SPAG16: variants seen among roughly 807,000 people sequenced by gnomAD.
The protein encoded by SPAG16 is sperm associated antigen 16.
SPAG16 carries 86 observed loss-of-function variants against 80.4 expected under a neutral mutation model. The ratio of observed to expected loss-of-function variants is 1.07; its 90% confidence interval spans 0.90 to 1.28. SPAG16 has a LOEUF of 1.28. SPAG16 is among the 50% of genes most tolerant of loss of function. SPAG16 has a pLI of 0.00. For missense variants in SPAG16, 870 were observed against 765.3 expected (o/e 1.14, Z -1.61); for synonymous variants, 294 against 265.9 (o/e 1.11, Z -1.03).
At chr2:214,102,597 G>A (rs2053125921) in intron 13 of SPAG16, among the ~76,000 whole-genome samples, 1 of 151,944 alleles carries the variant, frequency 6.6e-6, no homozygotes, top group South Asian at 2.1e-4. Context: ...GGCAGATTAT[G>A]GTGGATATTT....
intron 12 of SPAG16, among the ~76,000 whole-genome samples, chr2:213,960,904 G>A (rs2044382820): frequency 6.6e-6 from 1 of 152,152 alleles, no homozygotes; most frequent in Non-Finnish European, 1.5e-5. Flanking sequence ...TTCTGTGATT[G>A]GAAGCAGCAA....
chr2:213,603,225 G>T (rs2061130200), intron 10 of SPAG16, among the ~76,000 whole-genome samples: 1 of 152,220 alleles, frequency 6.6e-6, no homozygotes, highest in African/African-American at 2.4e-5. Context: ...GTAAGGGACA[G>T]AGTCTGTATT....
chr2:213,770,232 A>G (rs1478693565), intron 10 of SPAG16, among the ~76,000 whole-genome samples: 2 of 152,038 alleles, frequency 1.3e-5, no homozygotes, highest in African/African-American at 2.4e-5. Flanking sequence ...AGGTTTTGTG[A>G]TGATTTATTT....
chr2:213,694,801 T>A (rs901960076), intron 10 of SPAG16, among the ~76,000 whole-genome samples: 1 of 151,736 alleles, frequency 6.6e-6, no homozygotes, highest in Non-Finnish European at 1.5e-5. Context: ...CCTTCTACTC[T>A]CCCTTGCCTC....
intron 5 of SPAG16, among the ~76,000 whole-genome samples, chr2:213,322,130 A>G (rs192236026): frequency 7.9e-4 from 119 of 151,314 alleles, no homozygotes; most frequent in African/African-American, 2.8e-3. Context: ...ATAAAACACC[A>G]CTTAGAATTG....
Position 214,010,290 on chromosome 2 carries a change from T to A in SPAG16, c.1401-3661T>A, listed in dbSNP as rs868658842. Among the ~76,000 whole-genome samples, 8 of 144,082 alleles carry A rather than the reference T, an allele frequency of 5.6e-5. 1 individual carries two copies. Among genetic ancestry groups the A allele is most frequent in the Non-Finnish European group, 1.2e-4 (8 of 66,756 alleles). The allele number at this position is 144,082 out of a possible 152,430, so 94.5% of individuals were successfully genotyped here. On this transcript the variant is annotated intron_variant, in intron 12 of 15. Transcript: ENST00000331683. ...GAACAGATATTAAAAATGAAAAAAA[T>A]AAGAATTGTAGAGAAAATATTAAAC...
chr2:213,727,883 T>A (rs2066843357), intron 10 of SPAG16, among the ~76,000 whole-genome samples: 1 of 152,102 alleles, frequency 6.6e-6, no homozygotes, highest in Non-Finnish European at 1.5e-5. Flanking sequence ...AATTTCACTC[T>A]TGTCGCCCAG....
At chr2:214,205,168 G>T (rs1373025506) in intron 15 of SPAG16, among the ~76,000 whole-genome samples, 1 of 151,928 alleles carries the variant, frequency 6.6e-6, no homozygotes, top group African/African-American at 2.4e-5. Flanking sequence ...AGGTTGCAGT[G>T]AGCCAAGATC....
At chr2:214,012,278 A>AT (rs1559689715) in intron 12 of SPAG16, among the ~76,000 whole-genome samples, 4 of 45,050 alleles carry the variant, frequency 8.9e-5, no homozygotes, top group African/African-American at 1.0e-4. Flanking sequence ...ATATATATAT[A>AT]TATATATATA....
chr2:213,831,661 C>A (rs1207653092), intron 10 of SPAG16, among the ~76,000 whole-genome samples: 2 of 152,122 alleles, frequency 1.3e-5, no homozygotes, highest in African/African-American at 4.8e-5. Flanking sequence ...AGTTATAACA[C>A]TAAAGCCTGC....
intron 15 of SPAG16, among the ~76,000 whole-genome samples, chr2:214,405,746 G>A (rs925920002): frequency 6.6e-6 from 1 of 152,126 alleles, no homozygotes; most frequent in South Asian, 2.1e-4. Flanking sequence ...GCAGTGAGCC[G>A]AGATTGCGCC....
chr2:213,318,644 A>G (rs2063499032), intron 5 of SPAG16, among the ~76,000 whole-genome samples: 1 of 151,810 alleles, frequency 6.6e-6, no homozygotes, highest in East Asian at 1.9e-4. Flanking sequence ...TAAAAATAAA[A>G]AATTTTAAAA....
At chr2:214,267,179 TTAAAAAGATTAAAAAATAGA>T in intron 15 of SPAG16, among the ~76,000 whole-genome samples, 1 of 151,528 alleles carries the variant, frequency 6.6e-6, no homozygotes, top group South Asian at 2.1e-4. Flanking sequence ...TAAAAAAAGA[TTAAAAAGATTAAAAAATAGA>T]TAAAAAGATA....
intron 15 of SPAG16, among the ~76,000 whole-genome samples, chr2:214,381,264 A>AT (rs1321043231): frequency 6.6e-6 from 1 of 152,182 alleles, no homozygotes; most frequent in African/African-American, 2.4e-5. Context: ...CTAAAGCTAA[A>AT]TTTTCTACCG....
At chr2:214,401,595 T>C (rs1261041763) in intron 15 of SPAG16, among the ~76,000 whole-genome samples, 1 of 151,966 alleles carries the variant, frequency 6.6e-6, no homozygotes, top group East Asian at 1.9e-4. Flanking sequence ...ATTACTGAAG[T>C]TATTGTAATG....
intron 15 of SPAG16, among the ~76,000 whole-genome samples, chr2:214,233,502 G>C (rs898058941): frequency 6.6e-6 from 1 of 152,008 alleles, no homozygotes; most frequent in Non-Finnish European, 1.5e-5. Context: ...CAGTTGGACT[G>C]CCATAGAAGG....
At chr2:214,147,924 G>A (rs2055742681) in intron 14 of SPAG16, among the ~76,000 whole-genome samples, 1 of 152,168 alleles carries the variant, frequency 6.6e-6, no homozygotes, top group Non-Finnish European at 1.5e-5. Context: ...GAGTAAGTGA[G>A]AAAATATGTG....
At chr2:213,734,753 C>T (rs1356028714) in intron 10 of SPAG16, among the ~76,000 whole-genome samples, 3 of 151,968 alleles carry the variant, frequency 2.0e-5, no homozygotes, top group Admixed American at 2.0e-4. Context: ...CTTTAGTTTT[C>T]AGTGGCATTT....
intron 2 of SPAG16, chr2:213,296,876 A>AT (rs1265791270): frequency 1.2e-5 from 4 of 335,272 alleles, no homozygotes; most frequent in South Asian, 2.6e-5. Flanking sequence ...AGTGAGTTTT[A>AT]TTTTTTAATA....
Sources: gnomAD v4.1 joint callset for allele counts (sites outside exome capture counted in the v4.1 genomes callset) on GRCh38, gnomAD v4.1.1 for gene constraint, MANE v1.5 for transcripts, NCBI Gene and HGNC (gene_info 2026-07-23, HGNC 2026-07-21) for gene names.